PBRM1: variants seen among roughly 807,000 people sequenced by gnomAD.
PBRM1 encodes protein polybromo-1.
Under a neutral mutation model 194.5 loss-of-function variants are expected in PBRM1, and 27 were observed. The observed-to-expected ratio is 0.14, with a 90% confidence interval of 0.10 to 0.19. The LOEUF (loss-of-function observed/expected upper bound fraction) is 0.19. Among genes scored for constraint, PBRM1 ranks in the 10% least tolerant of loss-of-function variants. The probability of loss-of-function intolerance (pLI) is 1.00; values close to 1 mark genes in which losing one functional copy is unlikely to be tolerated. For synonymous variants in PBRM1, 655 were observed against 693.2 expected (o/e 0.94, Z 0.87); for missense variants, 1,466 against 2,077.2 (o/e 0.71, Z 5.72).
At chr3:52,556,246 GCTGA>G (rs1553700951) in intron 26 of PBRM1, among the ~76,000 whole-genome samples, 3 of 152,176 alleles carry the variant, frequency 2.0e-5, no homozygotes, top group Non-Finnish European at 4.4e-5. Flanking sequence ...TCATACCTAA[GCTGA>G]CTAACTTACA....
intron 6 of PBRM1, among the ~76,000 whole-genome samples, chr3:52,650,967 G>GTC (rs945930270): frequency 1.3e-5 from 2 of 152,172 alleles, no homozygotes; most frequent in African/African-American, 4.8e-5. Flanking sequence ...TACAGAAACA[G>GTC]TAAGTGTAAG....
At chr3:52,652,311 G>C (rs982108084) in intron 5 of PBRM1, among the ~76,000 whole-genome samples, 4 of 151,524 alleles carry the variant, frequency 2.6e-5, no homozygotes, top group African/African-American at 9.7e-5. Context: ...TTGAACCTGG[G>C]AGGCAGAGAT....
chr3:52,637,333 A>T (rs1253796151), intron 10 of PBRM1, among the ~76,000 whole-genome samples: 5 of 152,076 alleles, frequency 3.3e-5, no homozygotes, highest in Non-Finnish European at 7.4e-5. Flanking sequence ...TTTCTCCATT[A>T]AAAATGGAGA....
intron 3 of PBRM1, among the ~76,000 whole-genome samples, chr3:52,664,928 A>C (rs2096800927): frequency 6.6e-6 from 1 of 152,174 alleles, no homozygotes; most frequent in Admixed American, 6.5e-5. Context: ...AAGATTTATG[A>C]AGCATTACTA....
intron 20 of PBRM1, among the ~76,000 whole-genome samples, chr3:52,583,797 TA>T (rs1386134470): frequency 6.6e-6 from 1 of 152,210 alleles, no homozygotes; most frequent in African/African-American, 2.4e-5. Context: ...ACTGTTTTTC[TA>T]AATTAAATAA....
intron 7 of PBRM1, among the ~76,000 whole-genome samples, chr3:52,645,085 G>A (rs1437879634): frequency 2.0e-5 from 3 of 152,288 alleles, no homozygotes; most frequent in South Asian, 4.1e-4. Flanking sequence ...ACTGTCCGTG[G>A]AGGATACATT....
Position 52,616,758 on chromosome 3 carries a change from G to A in PBRM1, c.1818+504C>T, listed in dbSNP as rs578170835. On this transcript the variant is annotated intron_variant, in intron 14 of 29. Transcript: ENST00000296302. ...AAATTATTTAGAGGTACATTTATGG[G>A]ACTATCATGCTGATTTTTATATAAT... Among the ~76,000 whole-genome samples the A allele has an allele frequency of 7.2e-5, 11 of 152,314 alleles. No homozygotes were observed. In the East Asian group the frequency reaches 1.9e-3, roughly 27 times the overall value.
At chr3:52,645,554 A>C (rs2096267628) in intron 7 of PBRM1, among the ~76,000 whole-genome samples, 3 of 143,966 alleles carry the variant, frequency 2.1e-5, no homozygotes, top group African/African-American at 7.8e-5. Context: ...TCACCTTTTC[A>C]CTTAAAGGGA....
chr3:52,683,210 T>TA (rs202187760), upstream of PBRM1, among the ~76,000 whole-genome samples: 53,976 of 145,390 alleles, frequency 0.37, 9,992 homozygotes, highest in Admixed American at 0.46. Context: ...CTCAAAAAAA[T>TA]AATAAAAAAA....
At chr3:52,587,364 T>C in exon 19 of PBRM1, 2 of 1,608,074 alleles carry the variant, frequency 1.2e-6, no homozygotes, top group Non-Finnish European at 1.7e-6. Context: ...TTGACAAACA[T>C]GACCACACAC....
At position 52,634,578 on chromosome 3, in the gene PBRM1, T is replaced by C. The variant is rs765511743; in HGVS notation, c.1301+24A>G. On this transcript the variant is annotated intron_variant, in intron 11 of 29. Transcript: ENST00000296302. ...CAGCCACAACAAAATAAAATTATACTGAATAATGTAGAAGACATCTTACCG... is the reference window on the plus strand; with the variant it reads ...CAGCCACAACAAAATAAAATTATACCGAATAATGTAGAAGACATCTTACCG... 4 of 1,403,184 alleles carry C rather than the reference T, an allele frequency of 2.9e-6. No individual in the cohort carries two copies. The South Asian group carries it at 3.5e-5, about 12-fold the overall frequency. 86.9% of individuals were successfully genotyped at this position (1,403,184 alleles called of 1,614,324 possible). A position where few individuals can be genotyped will look rare whatever the true frequency, so the allele number is the denominator to read the frequency against.
chr3:52,629,046 C>T lies in PBRM1; in HGVS notation c.1302-11G>A, dbSNP rs768255551. 12 of 1,576,954 alleles carry T rather than the reference C, an allele frequency of 7.6e-6. No homozygotes were observed. Among genetic ancestry groups the T allele is most frequent in the Non-Finnish European group, 1.0e-5 (12 of 1,160,468 alleles). On this transcript the variant is annotated splice_polypyrimidine_tract_variant and intron_variant, in intron 11 of 29. Transcript: ENST00000296302. Reference sequence around the variant, plus strand: ...TTCTTCAGTTTTGTTCTGTGAAAGACAAAGAAATTGCTAGAATTTTCTGTC... The same window carrying T: ...TTCTTCAGTTTTGTTCTGTGAAAGATAAAGAAATTGCTAGAATTTTCTGTC...
intron 2 of PBRM1, among the ~76,000 whole-genome samples, chr3:52,677,354 C>T (rs57008939): frequency 0.072 from 10,930 of 151,562 alleles, 940 homozygotes; most frequent in African/African-American, 0.21. Flanking sequence ...AGCAATTCTC[C>T]TGCCTCAGCC....
chr3:52,641,465 A>AG (rs57463500), intron 10 of PBRM1, among the ~76,000 whole-genome samples: 1,539 of 131,068 alleles, frequency 0.012, 12 homozygotes, highest in South Asian at 0.026. Context: ...AAAAAAAAAG[A>AG]AAAAAAAAAG....
At chr3:52,634,782 T>C (rs1246059681) in exon 11 of PBRM1, 1 of 1,614,092 alleles carries the variant, frequency 6.2e-7, no homozygotes. Context: ...AGTGATGCTT[T>C]CTGCTTCTGA....
At chr3:52,666,145 G>GTGGTGT (rs2096829431) in intron 3 of PBRM1, among the ~76,000 whole-genome samples, 1 of 152,170 alleles carries the variant, frequency 6.6e-6, no homozygotes, top group Non-Finnish European at 1.5e-5. Flanking sequence ...ACTGAGCAAG[G>GTGGTGT]TGGTGTGTAC....
chr3:52,673,944 G>C (rs973658294), intron 2 of PBRM1, among the ~76,000 whole-genome samples: 1 of 151,378 alleles, frequency 6.6e-6, no homozygotes, highest in African/African-American at 2.4e-5. Flanking sequence ...CCAGCTACTT[G>C]GGAGGCTGAA....
intron 25 of PBRM1, among the ~76,000 whole-genome samples, chr3:52,560,918 T>C (rs1289634601): frequency 6.6e-6 from 1 of 152,074 alleles, no homozygotes; most frequent in Admixed American, 6.6e-5. Flanking sequence ...AATAGAACTG[T>C]ACCCACCTAA....
chr3:52,624,994 T>C (rs1229929674), intron 13 of PBRM1, 53 bp from the exon 15 acceptor site: 3 of 1,220,548 alleles, frequency 2.5e-6, no homozygotes, highest in Non-Finnish European at 1.2e-6. Flanking sequence ...ACAAGCAACA[T>C]TGGAGGGTCA....
Sources: gnomAD v4.1 joint callset for allele counts (sites outside exome capture counted in the v4.1 genomes callset) on GRCh38, gnomAD v4.1.1 for gene constraint, MANE v1.5 for transcripts, NCBI Gene and HGNC (gene_info 2026-07-23, HGNC 2026-07-21) for gene names.